The following TBC1D7 variants were observed in gnomAD, a reference collection of about 807,000 sequenced individuals.
The protein encoded by TBC1D7 is TBC domain family 7.
Under a neutral mutation model 35.3 loss-of-function variants are expected in TBC1D7, and 33 were observed. That is an observed-to-expected ratio of 0.93 (90% CI 0.71 to 1.25). TBC1D7 has a LOEUF of 1.25. TBC1D7 is among the 50% of genes most tolerant of loss of function. The pLI is 0.00. For synonymous variants in TBC1D7, 135 were observed against 129.5 expected (o/e 1.04, Z -0.29); for missense variants, 362 against 365.3 (o/e 0.99, Z 0.07).
In TBC1D7 at chr6:13,305,117, G is replaced by C; in HGVS notation, c.866C>G (p.Pro289Arg). 6.2e-7 allele frequency: 1 copy of C among 1,612,784 alleles called. No homozygotes were observed. Among genetic ancestry groups the C allele is most frequent in the South Asian group, 1.1e-5 (1 of 90,990 alleles). The change falls in exon 8 of 8, where the codon CCG (proline) becomes CGG (arginine). Residue 289 changes from proline to arginine, a missense_variant. Pro to Arg is a moderately radical substitution (Grantham distance 103). Transcript: ENST00000379300. Reference protein sequence around the residue: ...IDLWHKHCGTPVHSS With the variant: ...IDLWHKHCGTRVHSS ...CGGGTGCGTTCAGCTTGAATGGACC[G>C]GGGTCCCACAGTGTTTGTGCCACAA...
intron 3 of TBC1D7, among the ~76,000 whole-genome samples, chr6:13,324,043 G>A (rs1207643682): frequency 6.6e-6 from 1 of 152,122 alleles, no homozygotes; most frequent in Non-Finnish European, 1.5e-5. Context: ...GCCCAATAAG[G>A]AGCAATCATA....
intron 7 of TBC1D7, among the ~76,000 whole-genome samples, 200 bp from the exon 8 acceptor site, chr6:13,305,387 C>T (rs1212382795): frequency 6.6e-6 from 1 of 152,186 alleles, no homozygotes; most frequent in African/African-American, 2.4e-5. Flanking sequence ...TCAAATCCTG[C>T]ACTGCTCACT....
At chr6:13,313,537 C>A (rs1035050768) in intron 5 of TBC1D7, among the ~76,000 whole-genome samples, 11 of 142,936 alleles carry the variant, frequency 7.7e-5, no homozygotes, top group African/African-American at 2.9e-4. Flanking sequence ...AGCATCTGCT[C>A]GTAGGTACCA....
chr6:13,326,470 A>T (rs1784413639), intron 2 of TBC1D7, among the ~76,000 whole-genome samples: 1 of 152,048 alleles, frequency 6.6e-6, no homozygotes, highest in Non-Finnish European at 1.5e-5. Flanking sequence ...CTCAAAAAAA[A>T]AAAAAAAGAA....
intron 2 of TBC1D7, 48 bp downstream of exon 2, chr6:13,326,739 A>C: frequency 8.2e-7 from 1 of 1,220,374 alleles, no homozygotes; most frequent in South Asian, 1.3e-5. Flanking sequence ...ACTTCAGAAC[A>C]TGTGGAGTGA....
At chr6:13,305,721 C>T (rs937147626) in intron 7 of TBC1D7, 1 of 171,360 alleles carries the variant, frequency 5.8e-6, no homozygotes, top group Non-Finnish European at 1.3e-5. Context: ...CTACTTCTTG[C>T]CTGGTAAAGG....
chr6:13,324,734 T>G (rs1784287902), intron 3 of TBC1D7, among the ~76,000 whole-genome samples: 2 of 152,170 alleles, frequency 1.3e-5, no homozygotes, highest in Admixed American at 1.3e-4. Context: ...TCTTACAAAT[T>G]TAGAGCTAAA....
intron 4 of TBC1D7, among the ~76,000 whole-genome samples, chr6:13,317,036 T>C (rs1012280106): frequency 1.3e-5 from 2 of 152,158 alleles, no homozygotes; most frequent in Admixed American, 6.5e-5. Context: ...ATATTCTCAG[T>C]ACTAGGTGAG....
chr6:13,315,990 T>G (rs1783579802), intron 5 of TBC1D7, among the ~76,000 whole-genome samples: 4 of 152,210 alleles, frequency 2.6e-5, no homozygotes, highest in Non-Finnish European at 5.9e-5. Flanking sequence ...ACCTTTGCCT[T>G]CCCTTTCCTT....
intron 4 of TBC1D7, chr6:13,320,487 T>C (rs1783954002): frequency 2.1e-6 from 1 of 473,328 alleles, no homozygotes; most frequent in East Asian, 3.6e-5. Context: ...AAAAATACGT[T>C]TTAAAACAAC....
At chr6:13,305,830 G>A (rs1782770918) in intron 7 of TBC1D7, 1 of 158,380 alleles carries the variant, frequency 6.3e-6, no homozygotes. Flanking sequence ...AACCCAACTG[G>A]GACTACACCA....
intron 3 of TBC1D7, among the ~76,000 whole-genome samples, chr6:13,322,953 C>T (rs1222694266): frequency 6.6e-6 from 1 of 152,168 alleles, no homozygotes; most frequent in Non-Finnish European, 1.5e-5. Flanking sequence ...AAGTAAAGAT[C>T]CCTAAGTAAT....
rs571628649 is a variant in TBC1D7 at position 13,328,304 on chromosome 6, G to A, written c.-17C>T. The A allele has an allele frequency of 6.6e-6, 1 of 152,496 alleles. No homozygotes were observed. Among genetic ancestry groups the A allele is most frequent in the African/African-American group, 2.4e-5 (1 of 41,594 alleles). 9.4% of individuals were successfully genotyped at this position (152,496 alleles called of 1,614,324 possible). ...TATGATGGATGCTTCACCTCTAGTA[G>A]TGCAAACACACCCGGGTTGAGACTA... On this transcript the variant is annotated 5_prime_UTR_variant, in exon 1 of 8. Transcript: ENST00000379300.
rs1783641416 is a variant in TBC1D7, at chr6:13,316,622, T to C, written c.468A>G (p.Arg156=). The C allele has an allele frequency of 6.2e-7, 1 of 1,613,432 alleles. No individual in the cohort carries two copies. The highest frequency in any genetic ancestry group is 8.5e-7 in the Non-Finnish European group (1 of 1,179,936). ...EDSVDCYWIT[R]RFVNQLNTKY... Reference sequence around the variant, plus strand: ...TGGTATTTAATTGGTTCACAAAGCGTCGGGTGATCCAGTAACAGTCGACAC... The same window carrying C: ...TGGTATTTAATTGGTTCACAAAGCGCCGGGTGATCCAGTAACAGTCGACAC... Residue 156 remains arginine, a synonymous_variant, in exon 5 of 8, where the codon CGA becomes CGG. Coordinates refer to ENST00000379300, the MANE Select transcript of TBC1D7 (RefSeq NM_016495.6).
At chr6:13,306,046 A>G (rs546321225) in intron 7 of TBC1D7, 1 of 204,308 alleles carries the variant, frequency 4.9e-6, no homozygotes, top group East Asian at 1.8e-4. Context: ...TCCCAAAGAC[A>G]GGATGCAAAC....
intron 7 of TBC1D7, 36 bp from the exon 8 acceptor site, chr6:13,305,223 G>C (rs561077845): frequency 1.3e-6 from 2 of 1,599,236 alleles, no homozygotes; most frequent in Non-Finnish European, 1.7e-6. Flanking sequence ...TGAAATTTCA[G>C]TGTTGACAAC....
intron 3 of TBC1D7, among the ~76,000 whole-genome samples, chr6:13,322,796 G>T (rs560359747): frequency 6.6e-6 from 1 of 152,108 alleles, no homozygotes; most frequent in Non-Finnish European, 1.5e-5. Context: ...CCTACATCTC[G>T]GCTAATACAG....
At chr6:13,327,309 T>C (rs1040194843) in intron 1 of TBC1D7, among the ~76,000 whole-genome samples, 3 of 152,248 alleles carry the variant, frequency 2.0e-5, no homozygotes, top group Non-Finnish European at 4.4e-5. Context: ...GTATACACTA[T>C]GATTTCATTT....
intron 2 of TBC1D7, 40 bp downstream of exon 2, chr6:13,326,747 T>C: frequency 7.7e-7 from 1 of 1,293,478 alleles, no homozygotes; most frequent in East Asian, 2.3e-5. Context: ...ACATGTGGAG[T>C]GATTGAGAAC....
Sources: allele counts gnomAD v4.1 joint callset (sites outside exome capture counted in the v4.1 genomes callset), GRCh38; gene constraint gnomAD v4.1.1; transcripts MANE v1.5; gene names NCBI Gene and HGNC (gene_info 2026-07-23, HGNC 2026-07-21).